The following THADA variants were observed in gnomAD, a reference collection of about 807,000 sequenced individuals.
THADA encodes tRNA (32-2'-O)-methyltransferase regulator THADA.
In THADA, 213 loss-of-function variants were observed where a neutral mutation model predicts 219.8. The observed-to-expected ratio is 0.97, with a 90% confidence interval of 0.87 to 1.09. The LOEUF (loss-of-function observed/expected upper bound fraction) is 1.09, where lower values mean the gene tolerates loss of function less well. Ranked by LOEUF, THADA falls within the 50% of genes least tolerant of loss-of-function variation. THADA has a pLI of 0.00. For missense variants in THADA, 2,956 were observed against 2,311.3 expected (o/e 1.28, Z -5.72); for synonymous variants, 1,018 against 828.9 (o/e 1.23, Z -3.92).
At chr2:43,432,100 C>T (rs1187124777) in intron 26 of THADA, among the ~76,000 whole-genome samples, 2 of 138,290 alleles carry the variant, frequency 1.4e-5, no homozygotes, top group African/African-American at 3.1e-5. Flanking sequence ...TCGTGATCCG[C>T]CCGCCTCGGC....
intron 15 of THADA, among the ~76,000 whole-genome samples, chr2:43,561,003 TGA>T (rs1257804181): frequency 8.2e-6 from 1 of 122,124 alleles, no homozygotes; most frequent in African/African-American, 3.2e-5. Flanking sequence ...CGCAACAGAG[TGA>T]GACTTGGTCT....
chr2:43,320,600 A>C, intron 30 of THADA, 60 bp from the exon 31 acceptor site: 8 of 1,285,250 alleles, frequency 6.2e-6, no homozygotes, highest in Non-Finnish European at 8.8e-6. Flanking sequence ...TCTGGGTCTC[A>C]GGAAGGAGAA....
chr2:43,343,970 C>T, intron 30 of THADA, 152 bp downstream of exon 30: 1 of 563,338 alleles, frequency 1.8e-6, no homozygotes. Context: ...TCTTTCTTTA[C>T]CACAACCCAA....
intron 13 of THADA, 48 bp downstream of exon 13, chr2:43,571,659 C>T: frequency 6.4e-7 from 1 of 1,557,162 alleles, no homozygotes. Flanking sequence ...AAACGATTTC[C>T]CAAACAAAGT....
rs75134322 is a variant in THADA at position 43,240,170 on chromosome 2, G to A, written c.5297-7288C>T. Among the ~76,000 whole-genome samples the A allele has an allele frequency of 3.5e-3, 533 of 152,312 alleles. 4 individuals carry two copies. The highest frequency in any genetic ancestry group is 5.9e-3 in the Non-Finnish European group (400 of 68,014). ...GGTGGGTGAGAGGACACACACAACCGAGAGGCAGTGAGGAGCCCAAGCTTG... is the reference window on the plus strand; with the variant it reads ...GGTGGGTGAGAGGACACACACAACCAAGAGGCAGTGAGGAGCCCAAGCTTG... On this transcript the variant is annotated intron_variant, in intron 36 of 37. Transcript: ENST00000405975.
At chr2:43,283,247 T>C (rs1162139598) in intron 35 of THADA, among the ~76,000 whole-genome samples, 2 of 152,216 alleles carry the variant, frequency 1.3e-5, no homozygotes, top group Non-Finnish European at 2.9e-5. Flanking sequence ...TTAAACCTCT[T>C]TTCTTGATGA....
At chr2:43,506,666 G>C (rs1030258943) in intron 23 of THADA, among the ~76,000 whole-genome samples, 5 of 152,148 alleles carry the variant, frequency 3.3e-5, no homozygotes, top group Admixed American at 1.3e-4. Context: ...GTACACCTCT[G>C]TGAATATACT....
chr2:43,551,897 G>A lies in THADA; in HGVS notation c.2839C>T (p.Pro947Ser), dbSNP rs374786657. 6.2e-7 allele frequency: 1 copy of A among 1,613,576 alleles called. No homozygotes were observed. Among genetic ancestry groups the A allele is most frequent in the African/African-American group, 1.3e-5 (1 of 74,882 alleles). The part of the protein sequence containing the change: ...NSLQLVSEWR[P>S]VVEKLLLMSY... Reference sequence around the variant, plus strand: ...ATCAAAAGGAGCTTCTCTACCACAGGTCTCCACTCGCTCACCAACTGCAGG... The same window carrying A: ...ATCAAAAGGAGCTTCTCTACCACAGATCTCCACTCGCTCACCAACTGCAGG... Residue 947 changes from proline to serine, a missense_variant, in exon 19 of 38, where the codon CCT (proline) becomes TCT (serine). Physicochemically the swap from Pro to Ser is moderately conservative, Grantham distance 74. Coordinates refer to ENST00000405975, the MANE Select transcript of THADA (RefSeq NM_022065.5).
Position 43,398,145 on chromosome 2 carries a change from GA to G in THADA, c.4059-7del, listed in dbSNP as rs1215914572. On this transcript the variant is annotated splice_region_variant and splice_polypyrimidine_tract_variant and intron_variant, in intron 28 of 37. Coordinates refer to ENST00000405975, the MANE Select transcript of THADA (RefSeq NM_022065.5). ...AGACAGGTGAGTGACCACACCTGGG[GA>G]GAAATAAAAACACAAGACCATTCAA... is the stretch of plus-strand genomic sequence containing the variant. 6 of 1,613,056 alleles carry G rather than the reference GA, an allele frequency of 3.7e-6. No individual in the cohort carries two copies. The highest frequency in any genetic ancestry group is 4.2e-6 in the Non-Finnish European group (5 of 1,179,350).
chr2:43,417,045 T>TTC (rs1677076872), intron 28 of THADA, among the ~76,000 whole-genome samples: 1 of 149,484 alleles, frequency 6.7e-6, no homozygotes, highest in African/African-American at 2.4e-5. Flanking sequence ...TTCTTTTTTT[T>TTC]TTTTTTTTTT....
rs975192366 is a variant in THADA, at chr2:43,233,219, T to C, written c.5297-337A>G. 9.3e-5 allele frequency: 23 copies of C among 246,106 alleles called. No homozygotes were observed. The East Asian group carries it at 1.8e-3, about 20-fold the overall frequency. The allele number at this position is 246,106 out of a possible 1,614,324, so 15.2% of individuals were successfully genotyped here. A position where few individuals can be genotyped will look rare whatever the true frequency, so the allele number is the denominator to read the frequency against. On this transcript the variant is annotated intron_variant, in intron 36 of 37. Transcript: ENST00000405975. ...CAGGAAGGCTTCCCTGTCCAGTGTCTCCTCTGCACATCTGCCTGGATTTGA... is the reference window on the plus strand; with the variant it reads ...CAGGAAGGCTTCCCTGTCCAGTGTCCCCTCTGCACATCTGCCTGGATTTGA...
At chr2:43,528,051 C>G (rs1693385924) in intron 21 of THADA, 63 bp from the exon 22 acceptor site, 1 of 1,198,576 alleles carries the variant, frequency 8.3e-7, no homozygotes, top group Non-Finnish European at 1.2e-6. Context: ...GTATTTATAT[C>G]AGTAACACTG....
intron 28 of THADA, among the ~76,000 whole-genome samples, chr2:43,411,210 G>T (rs1218330824): frequency 6.6e-6 from 1 of 152,226 alleles, no homozygotes; most frequent in African/African-American, 2.4e-5. Context: ...CAAAGGGAAT[G>T]AATGTATGAG....
chr2:43,519,538 C>G (rs1692144559), intron 22 of THADA, among the ~76,000 whole-genome samples: 1 of 152,196 alleles, frequency 6.6e-6, no homozygotes, highest in Non-Finnish European at 1.5e-5. Context: ...CCCATACAAT[C>G]CTTAGTCCCT....
At chr2:43,490,667 G>A (rs969489485) in intron 25 of THADA, among the ~76,000 whole-genome samples, 6 of 152,064 alleles carry the variant, frequency 3.9e-5, no homozygotes, top group African/African-American at 1.2e-4. Context: ...GTTACCTGTG[G>A]TATAGTACAC....
chr2:43,574,472 A>G lies in THADA; in HGVS notation c.1593T>C (p.Leu531=), dbSNP rs1000918574. 6.2e-7 allele frequency: 1 copy of G among 1,613,806 alleles called. No homozygotes were observed. Among genetic ancestry groups the G allele is most frequent in the Non-Finnish European group, 8.5e-7 (1 of 1,179,790 alleles). ...CCAAGTTTCCTTCACACAATATAAA[A>G]AGGAGAGGAGAAACCCAAGTCTCAT... ...QWHETWVSPL[L]FILCEGNLDQ... The change falls in exon 11 of 38, where the codon CTT becomes CTC. Residue 531 remains leucine (L), a synonymous_variant. Coordinates refer to ENST00000405975, the MANE Select transcript of THADA (RefSeq NM_022065.5).
intron 23 of THADA, among the ~76,000 whole-genome samples, chr2:43,508,307 A>T (rs752097828): frequency 1.4e-4 from 21 of 151,688 alleles, no homozygotes; most frequent in South Asian, 4.2e-4. Flanking sequence ...GACTATTTTT[A>T]AAAAAAAATA....
intron 30 of THADA, among the ~76,000 whole-genome samples, chr2:43,328,624 G>A (rs988879094): frequency 7.9e-5 from 12 of 152,240 alleles, no homozygotes; most frequent in Non-Finnish European, 1.5e-5. Flanking sequence ...GTCCAGCTAT[G>A]CATTGCAGAG....
chr2:43,446,844 G>C (rs1320108671), intron 26 of THADA, among the ~76,000 whole-genome samples: 1 of 152,188 alleles, frequency 6.6e-6, no homozygotes, highest in Non-Finnish European at 1.5e-5. Context: ...CTAGAAGTCA[G>C]AAGTCTGAAA....
Sources: allele counts gnomAD v4.1 joint callset (sites outside exome capture counted in the v4.1 genomes callset), GRCh38; gene constraint gnomAD v4.1.1; transcripts MANE v1.5; gene names NCBI Gene and HGNC (gene_info 2026-07-23, HGNC 2026-07-21).